NKD1: variants seen among roughly 807,000 people sequenced by gnomAD.
The protein encoded by NKD1 is protein naked cuticle homolog 1.
A neutral mutation model predicts 56.0 loss-of-function variants in NKD1; 21 were observed. The ratio of observed to expected loss-of-function variants is 0.38; its 90% CI spans 0.27 to 0.54. The LOEUF is 0.54. NKD1 is among the 20% of genes least tolerant of loss of function. The probability of loss-of-function intolerance (pLI) is 0.82; values close to 1 mark genes in which losing one functional copy is unlikely to be tolerated. For synonymous variants in NKD1, 263 were observed against 265.7 expected (o/e 0.99, Z 0.10); for missense variants, 578 against 642.7 (o/e 0.90, Z 1.09).
At chr16:50,568,182 CCT>C (rs1960804210) in intron 3 of NKD1, among the ~76,000 whole-genome samples, 1 of 152,208 alleles carries the variant, frequency 6.6e-6, no homozygotes, top group African/African-American at 2.4e-5. Context: ...CTGGGGGGCC[CCT>C]GAGCACCCGC....
At position 50,598,229 on chromosome 16, in the gene NKD1, CTGTGTGTGTGTGTG is replaced by C. The variant is rs5816707; in HGVS notation, c.193-10044_193-10031del. On this transcript the variant is annotated intron_variant, in intron 3 of 9. Transcript: ENST00000268459. The surrounding 1 kb of genome is among the most constrained non-coding windows in gnomAD (Gnocchi z 4.2). ...CACTGCAGGGCCGCATGGGTGGACT[CTGTGTGTGTGTGTG>C]TGTGTGTGTGTGTGTGTGTGCGCGC... is the stretch of plus-strand genomic sequence containing the variant. 6.9e-5 allele frequency among the ~76,000 whole-genome samples: 10 copies of C among 143,960 alleles called. No individual in the cohort carries two copies. The South Asian group carries it at 1.8e-3, about 26-fold the overall frequency. The allele number at this position is 143,960 out of a possible 152,430, so 94.4% of individuals were successfully genotyped here. A position where few individuals can be genotyped will look rare whatever the true frequency, so the allele number is the denominator to read the frequency against.
chr16:50,576,252 C>T (rs535020859), intron 3 of NKD1, among the ~76,000 whole-genome samples: 4 of 152,308 alleles, frequency 2.6e-5, no homozygotes, highest in Non-Finnish European at 4.4e-5. Flanking sequence ...GTATTGCCTT[C>T]GCAAGCCTCA....
At chr16:50,613,860 G>A (rs545698706) in intron 4 of NKD1, among the ~76,000 whole-genome samples, 3 of 152,078 alleles carry the variant, frequency 2.0e-5, no homozygotes, top group African/African-American at 7.2e-5. Context: ...CAGATGTTTC[G>A]TCTCAATCCT....
At chr16:50,600,233 AC>A (rs1430949978) in intron 3 of NKD1, among the ~76,000 whole-genome samples, 1 of 151,418 alleles carries the variant, frequency 6.6e-6, no homozygotes, top group Non-Finnish European at 1.5e-5. Context: ...CCTTAAAAAA[AC>A]AAAACAAAAC....
At chr16:50,607,219 A>G (rs1415400028) in intron 3 of NKD1, 8 of 348,314 alleles carry the variant, frequency 2.3e-5, no homozygotes, top group Non-Finnish European at 4.6e-5. Context: ...AAAACAAAAA[A>G]CAAAAAAAAG....
intron 6 of NKD1, among the ~76,000 whole-genome samples, chr16:50,627,595 C>T (rs1596756988): frequency 1.3e-5 from 2 of 152,228 alleles, no homozygotes; most frequent in East Asian, 3.9e-4. Context: ...CCTTCCACGC[C>T]TTCTGAGTGC....
rs1301206108 is a variant in NKD1 at position 50,548,585 on chromosome 16, GC to G, written c.25+12del. ...AAACTTCACTCCAAGCCGGGTCAGT[GC>G]CCCCGCCCGCGCGCTCGCCCCGGGC... On this transcript the variant is annotated splice_region_variant and intron_variant, in intron 1 of 9. Coordinates refer to ENST00000268459, the MANE Select transcript of NKD1 (RefSeq NM_033119.5). 2 of 1,462,508 alleles carry G rather than the reference GC, an allele frequency of 1.4e-6. No homozygotes were observed. The highest frequency in any genetic ancestry group is 1.8e-6 in the Non-Finnish European group (2 of 1,113,360). 90.6% of individuals were successfully genotyped at this position (1,462,508 alleles called of 1,614,324 possible). A position where few individuals can be genotyped will look rare whatever the true frequency, so the allele number is the denominator to read the frequency against.
intron 3 of NKD1, chr16:50,606,226 T>C (rs1961706425): frequency 6.5e-6 from 1 of 152,956 alleles, no homozygotes; most frequent in Admixed American, 6.5e-5. Context: ...CCTGGCTAAT[T>C]TTTTGTATTT....
chr16:50,575,077 T>C, intron 3 of NKD1: 3 of 985,212 alleles, frequency 3.0e-6, no homozygotes, highest in Non-Finnish European at 3.6e-6. Context: ...AGTTGTTTCA[T>C]GACACCAGTA....
In NKD1 at chr16:50,634,867, T is replaced by C. The variant is rs1043552387; in HGVS notation, c.*1086T>C. ...TCCATTCTCGGGTTTTGGGGTCTGA[T>C]GGATTTTGGAGAGAACTGCTGGGGT... On this transcript the variant is annotated 3_prime_UTR_variant, in exon 10 of 10. Transcript: ENST00000268459. 2 of 152,216 alleles carry C rather than the reference T, an allele frequency of 1.3e-5. No individual in the cohort carries two copies. The highest frequency in any genetic ancestry group is 6.5e-5 in the Admixed American group (1 of 15,274). The allele number at this position is 152,216 out of a possible 1,614,324, so 9.4% of individuals were successfully genotyped here.
chr16:50,561,884 G>A (rs1182405985), intron 3 of NKD1, among the ~76,000 whole-genome samples: 2 of 152,154 alleles, frequency 1.3e-5, no homozygotes, highest in African/African-American at 4.8e-5. Flanking sequence ...AGAGAGAGTG[G>A]AGTTATAGAA....
chr16:50,600,845 G>A (rs758164787), intron 3 of NKD1, among the ~76,000 whole-genome samples: 4 of 152,172 alleles, frequency 2.6e-5, no homozygotes, highest in Admixed American at 6.5e-5. Context: ...CAGCCCTGCC[G>A]TCCCACTCCT....
chr16:50,643,597 C>T lies in NKD1; in HGVS notation c.*9816C>T, dbSNP rs372509472. 6.6e-6 allele frequency: 1 copy of T among 152,338 alleles called. No individual in the cohort carries two copies. Among genetic ancestry groups the T allele is most frequent in the South Asian group, 2.1e-4 (1 of 4,824 alleles). The allele number at this position is 152,338 out of a possible 1,614,324, so 9.4% of individuals were successfully genotyped here. ...TGTTTGTAACTGTAGTTGATTCTCACTCATCGCAGTAGTTACATCTTATAA... is the reference window on the plus strand; with the variant it reads ...TGTTTGTAACTGTAGTTGATTCTCATTCATCGCAGTAGTTACATCTTATAA... On this transcript the variant is annotated 3_prime_UTR_variant, in exon 10 of 10. Transcript: ENST00000268459.
chr16:50,556,354 CT>C (rs1457187499), intron 3 of NKD1: 2 of 152,278 alleles, frequency 1.3e-5, no homozygotes, highest in Non-Finnish European at 1.5e-5. Context: ...CAGAAGGGAG[CT>C]GTTTAGCCTT....
At chr16:50,594,423 T>C (rs1385472558) in intron 3 of NKD1, among the ~76,000 whole-genome samples, 1 of 152,164 alleles carries the variant, frequency 6.6e-6, no homozygotes, top group Admixed American at 6.5e-5. Context: ...GAGAGCCCTG[T>C]GAGGTCAGGG....
chr16:50,569,902 G>A (rs1164929587), intron 3 of NKD1, among the ~76,000 whole-genome samples: 1 of 152,186 alleles, frequency 6.6e-6, no homozygotes, highest in East Asian at 1.9e-4. Flanking sequence ...CAGGAGTTTT[G>A]GGGAAGATGC....
chr16:50,602,098 C>G (rs879684707), intron 3 of NKD1, among the ~76,000 whole-genome samples: 1 of 152,120 alleles, frequency 6.6e-6, no homozygotes, highest in Non-Finnish European at 1.5e-5. Flanking sequence ...TTCAGCCTGC[C>G]GAGCTTGTAG....
At chr16:50,575,049 C>G in intron 3 of NKD1, 2 of 984,516 alleles carry the variant, frequency 2.0e-6, no homozygotes, top group African/African-American at 3.5e-5. Flanking sequence ...ACCCAGCTGT[C>G]TTCTGAGAGA....
intron 3 of NKD1, chr16:50,555,374 T>C (rs1261030895): frequency 6.6e-6 from 1 of 152,604 alleles, no homozygotes; most frequent in Admixed American, 6.5e-5. Context: ...TCTGTCCCCC[T>C]GGACAGGTAT....
Sources: gnomAD v4.1 joint callset for allele counts (sites outside exome capture counted in the v4.1 genomes callset) on GRCh38, gnomAD v4.1.1 for gene constraint, Gnocchi (gnomAD v3.1) non-coding constraint, MANE v1.5 for transcripts, NCBI Gene and HGNC (gene_info 2026-07-23, HGNC 2026-07-21) for gene names.